The following GREB1L variants were observed in gnomAD, a reference collection of about 807,000 sequenced individuals.
GREB1L encodes the protein GREB1 like retinoic acid receptor coactivator, also known as GREB1-like protein.
A neutral mutation model predicts 200.8 loss-of-function variants in GREB1L; 17 were observed. That is an observed-to-expected ratio of 0.08 (90% CI 0.06 to 0.13). The LOEUF is 0.13. Among genes scored for constraint, GREB1L ranks in the 10% least tolerant of loss-of-function variants. The pLI is 1.00. For synonymous variants in GREB1L, 789 were observed against 893.0 expected, an observed-to-expected ratio of 0.88 and a Z score of 2.08; for missense variants, 1,657 against 2,367.7, an observed-to-expected ratio of 0.70 and a Z score of 6.23.
At chr18:21,371,645 G>A (rs574909884) in intron 2 of GREB1L, among the ~76,000 whole-genome samples, 116 of 151,692 alleles carry the variant, frequency 7.6e-4, no homozygotes, top group Admixed American at 2.2e-3. Context: ...AAATTAGCCG[G>A]GCGTGGCGGG....
At chr18:21,305,260 C>T (rs2038681996) in intron 1 of GREB1L, among the ~76,000 whole-genome samples, 2 of 152,162 alleles carry the variant, frequency 1.3e-5, no homozygotes, top group Non-Finnish European at 2.9e-5. Context: ...AGATGTGACC[C>T]ACTGTACCCG....
At chr18:21,440,205 T>C in intron 8 of GREB1L, 64 bp from the exon 9 acceptor site, 1 of 1,511,660 alleles carries the variant, frequency 6.6e-7, no homozygotes, top group African/African-American at 1.4e-5. Context: ...TGGCGTTCTT[T>C]CCTTTCTTCC....
chr18:21,391,627 T>A (rs1353592720), intron 4 of GREB1L, among the ~76,000 whole-genome samples: 1 of 152,232 alleles, frequency 6.6e-6, no homozygotes, highest in Non-Finnish European at 1.5e-5. Context: ...GGCCCTTCTT[T>A]CATTTACATA....
chr18:21,296,324 T>C (rs985041030), intron 1 of GREB1L, among the ~76,000 whole-genome samples: 1 of 152,200 alleles, frequency 6.6e-6, no homozygotes, highest in African/African-American at 2.4e-5. Context: ...TGAATTAATG[T>C]AAGAACAGAA....
chr18:21,427,225 C>G (rs1401459187), intron 7 of GREB1L, among the ~76,000 whole-genome samples: 1 of 151,922 alleles, frequency 6.6e-6, no homozygotes, highest in East Asian at 1.9e-4. Context: ...GTTTTGTGGC[C>G]AGATGTGGTG....
At chr18:21,355,983 T>C (rs1382936613) in intron 1 of GREB1L, among the ~76,000 whole-genome samples, 1 of 121,804 alleles carries the variant, frequency 8.2e-6, no homozygotes, top group Non-Finnish European at 1.7e-5. Flanking sequence ...ATTAGGCTTC[T>C]TTTTTTTTTT....
chr18:21,451,526 C>T (rs531747887), intron 13 of GREB1L, among the ~76,000 whole-genome samples: 5 of 136,134 alleles, frequency 3.7e-5, no homozygotes, highest in South Asian at 2.4e-4. Context: ...TGCACTCTAT[C>T]GCCCAGGCTG....
intron 17 of GREB1L, among the ~76,000 whole-genome samples, chr18:21,483,742 C>T (rs1171242810): frequency 6.6e-6 from 1 of 151,970 alleles, no homozygotes; most frequent in Non-Finnish European, 1.5e-5. Context: ...TTTGGGAGGC[C>T]GAGGCAGGTT....
chr18:21,484,006 G>T (rs9959540), intron 17 of GREB1L, among the ~76,000 whole-genome samples: 1,594 of 151,172 alleles, frequency 0.011, 36 homozygotes, highest in African/African-American at 0.037. Context: ...TCAGAATTTG[G>T]GCTACCAAAT....
rs556558821 is a variant in GREB1L, at chr18:21,356,026, G to A, written c.-119-10001G>A. On this transcript the variant is annotated intron_variant, in intron 1 of 32. Coordinates refer to ENST00000424526, the MANE Select transcript of GREB1L (RefSeq NM_001142966.3). Reference sequence around the variant, plus strand: ...TTTTGAGATGGCGTCTCACTCTGTCGCCCAGGCTGGAGTGCAGTGGTGCAA... The same window carrying A: ...TTTTGAGATGGCGTCTCACTCTGTCACCCAGGCTGGAGTGCAGTGGTGCAA... Among the ~76,000 whole-genome samples the A allele has an allele frequency of 9.4e-5, 12 of 127,990 alleles. No homozygotes were observed. The South Asian group carries it at 2.2e-3, about 23-fold the overall frequency. 84.0% of individuals were successfully genotyped at this position (127,990 alleles called of 152,430 possible).
Position 21,516,650 on chromosome 18 carries a change from A to C in GREB1L, c.5167A>C (p.Asn1723His). Reference protein sequence around the residue: ...CEDADFNLRTNSSGLLICRFN... With the variant: ...CEDADFNLRTHSSGLLICRFN... ...AGATGCTGACTTTAATCTGAGAACA[A>C]ACAGTAGTGGCCTGCTCATCTGCCG... is the stretch of plus-strand genomic sequence containing the variant. The change falls in exon 30 of 33, where the codon AAC (asparagine) becomes CAC (histidine). Residue 1723 changes from asparagine (N) to histidine (H), a missense_variant. Physicochemically the swap from Asn to His is moderately conservative, Grantham distance 68. Transcript: ENST00000424526. 4 of 1,551,604 alleles carry C rather than the reference A, an allele frequency of 2.6e-6. No individual in the cohort carries two copies. Among genetic ancestry groups the C allele is most frequent in the Non-Finnish European group, 3.5e-6 (4 of 1,146,892 alleles).
At chr18:21,274,053 T>C (rs1372876586) in intron 1 of GREB1L, among the ~76,000 whole-genome samples, 2 of 152,208 alleles carry the variant, frequency 1.3e-5, no homozygotes, top group Non-Finnish European at 2.9e-5. Flanking sequence ...ACTGGTTGGC[T>C]TATCAACAAC....
chr18:21,424,912 G>T (rs2064489455), intron 7 of GREB1L, among the ~76,000 whole-genome samples: 2 of 152,050 alleles, frequency 1.3e-5, no homozygotes, highest in African/African-American at 2.4e-5. Flanking sequence ...GTTACACATG[G>T]TCTTTTGTGA....
At chr18:21,485,318 T>A (rs1598911965) in intron 17 of GREB1L, 1 of 235,308 alleles carries the variant, frequency 4.2e-6, no homozygotes, top group East Asian at 9.6e-5. Context: ...AGGCTGAGAA[T>A]TGAGGCTGTC....
At chr18:21,485,898 C>T in intron 18 of GREB1L, 145 bp downstream of exon 18, 1 of 693,958 alleles carries the variant, frequency 1.4e-6, no homozygotes, top group Non-Finnish European at 2.3e-6. Context: ...AACAGCCTTT[C>T]CTAAGATGCC....
chr18:21,290,545 A>G (rs1435218822), intron 1 of GREB1L, among the ~76,000 whole-genome samples: 2 of 152,160 alleles, frequency 1.3e-5, no homozygotes, highest in Admixed American at 6.5e-5. Context: ...CTATCTCACC[A>G]GGTGCAGTGG....
chr18:21,412,493 A>G (rs747165439), intron 7 of GREB1L, among the ~76,000 whole-genome samples: 1 of 152,202 alleles, frequency 6.6e-6, no homozygotes, highest in African/African-American at 2.4e-5. Context: ...ACCTAGCACT[A>G]TAAAGGAATC....
At chr18:21,242,630 C>T (rs369861530) in intron 1 of GREB1L, among the ~76,000 whole-genome samples, 20 of 152,092 alleles carry the variant, frequency 1.3e-4, no homozygotes, top group East Asian at 1.9e-4. Context: ...TGCCTGCCTT[C>T]CCTGCCGCCT....
intron 1 of GREB1L, among the ~76,000 whole-genome samples, chr18:21,319,963 G>A (rs1308721639): frequency 6.6e-6 from 1 of 152,142 alleles, no homozygotes; most frequent in Non-Finnish European, 1.5e-5. Context: ...GCAGTCTGTG[G>A]GTAAGGCATG....
Sources: gnomAD v4.1 joint callset for allele counts (sites outside exome capture counted in the v4.1 genomes callset) on GRCh38, gnomAD v4.1.1 for gene constraint, MANE v1.5 for transcripts, NCBI Gene and HGNC (gene_info 2026-07-23, HGNC 2026-07-21) for gene names.